RAD51B: variants seen among roughly 807,000 people sequenced by gnomAD.
RAD51B encodes the protein DNA repair protein RAD51 homolog 2.
Under a neutral mutation model 42.2 loss-of-function variants are expected in RAD51B, and 38 were observed. The ratio of observed to expected loss-of-function variants is 0.90; its 90% CI spans 0.70 to 1.18. The LOEUF (loss-of-function observed/expected upper bound fraction) is 1.18, where lower values mean the gene tolerates loss of function less well. Ranked by LOEUF, RAD51B falls within the 50% of genes most tolerant of loss-of-function variation. The probability of loss-of-function intolerance (pLI) is 0.00; values close to 1 mark genes in which losing one functional copy is unlikely to be tolerated. For missense variants in RAD51B, 373 were observed against 400.7 expected (o/e 0.93, Z 0.59); for synonymous variants, 154 against 145.2 (o/e 1.06, Z -0.43).
intron 8 of RAD51B, among the ~76,000 whole-genome samples, chr14:68,298,581 A>G (rs900106354): frequency 2.0e-5 from 3 of 152,182 alleles, no homozygotes; most frequent in Admixed American, 6.5e-5. Context: ...TTACTGTCTA[A>G]TTTCTCAAAT....
chr14:68,478,019 G>A lies in RAD51B; in HGVS notation c.*355G>A. The A allele has an allele frequency of 9.1e-7, 1 of 1,094,216 alleles. No individual in the cohort carries two copies. Among genetic ancestry groups the A allele is most frequent in the Non-Finnish European group, 1.1e-6 (1 of 899,174 alleles). 67.8% of individuals were successfully genotyped at this position (1,094,216 alleles called of 1,614,324 possible). On this transcript the variant is annotated 3_prime_UTR_variant, in exon 11 of 11. Transcript: ENST00000471583. ...TAATTAAAGCCCACAATCCTCCTGG[G>A]GAGAGGAGGAGGATGACTAACAAGA...
chr14:68,516,000 T>C (rs1886127278), intron 10 of RAD51B, among the ~76,000 whole-genome samples: 1 of 151,912 alleles, frequency 6.6e-6, no homozygotes, highest in African/African-American at 2.4e-5. Flanking sequence ...TTAGCCAGGA[T>C]GGTCTCGATC....
intron 7 of RAD51B, among the ~76,000 whole-genome samples, chr14:68,073,091 G>A (rs1308873640): frequency 6.6e-6 from 1 of 152,114 alleles, no homozygotes; most frequent in African/African-American, 2.4e-5. Flanking sequence ...ATTCTGCCTC[G>A]ATGGTTTGTC....
intron 11 of RAD51B, among the ~76,000 whole-genome samples, chr14:68,664,491 C>T (rs917432549): frequency 6.6e-6 from 1 of 152,246 alleles, no homozygotes; most frequent in African/African-American, 2.4e-5. Context: ...GCATTTCACC[C>T]GACTATTTTT....
intron 10 of RAD51B, among the ~76,000 whole-genome samples, chr14:68,515,988 T>A (rs573478233): frequency 6.6e-6 from 1 of 152,104 alleles, no homozygotes; most frequent in South Asian, 2.1e-4. Context: ...GGTTTCACCA[T>A]GTTAGCCAGG....
chr14:67,995,515 C>T (rs1340951434), intron 7 of RAD51B, among the ~76,000 whole-genome samples: 1 of 152,158 alleles, frequency 6.6e-6, no homozygotes, highest in Non-Finnish European at 1.5e-5. Context: ...TATCCTTGCT[C>T]CTTCCATCCC....
intron 8 of RAD51B, among the ~76,000 whole-genome samples, chr14:68,395,823 G>T (rs745338429): frequency 6.6e-6 from 1 of 152,004 alleles, no homozygotes; most frequent in Non-Finnish European, 1.5e-5. Flanking sequence ...TGTGACCTTG[G>T]GTACATCACT....
chr14:68,275,181 A>G (rs1027163946), intron 7 of RAD51B, among the ~76,000 whole-genome samples: 1 of 152,182 alleles, frequency 6.6e-6, no homozygotes, highest in Non-Finnish European at 1.5e-5. Flanking sequence ...GCTGATTATT[A>G]TGCAGTTTAA....
intron 7 of RAD51B, among the ~76,000 whole-genome samples, chr14:67,933,879 A>G (rs184095161): frequency 3.9e-4 from 59 of 152,314 alleles, no homozygotes; most frequent in Non-Finnish European, 5.9e-4. Flanking sequence ...AGCTACCTCT[A>G]TGCTCCTGCT....
chr14:67,917,150 C>G lies in RAD51B; in HGVS notation c.756+29946C>G, dbSNP rs540631976. 3.9e-5 allele frequency among the ~76,000 whole-genome samples: 6 copies of G among 152,312 alleles called. No homozygotes were observed. The East Asian group carries it at 1.2e-3, about 29-fold the overall frequency. ...TAAAATAAAGGAGAATCATTAGGAGCTTTTCCTAGTAACCTAGGCAACAGA... is the reference window on the plus strand; with the variant it reads ...TAAAATAAAGGAGAATCATTAGGAGGTTTTCCTAGTAACCTAGGCAACAGA... On this transcript the variant is annotated intron_variant, in intron 7 of 10. Transcript: ENST00000471583.
At chr14:67,880,190 GTTT>G (rs2042861996) in intron 5 of RAD51B, among the ~76,000 whole-genome samples, 3 of 152,142 alleles carry the variant, frequency 2.0e-5, no homozygotes, top group Admixed American at 2.0e-4. Flanking sequence ...GCAGATGTAA[GTTT>G]TTTAGGAATC....
intron 7 of RAD51B, among the ~76,000 whole-genome samples, chr14:68,086,928 G>T (rs1393543946): frequency 6.6e-6 from 1 of 152,032 alleles, no homozygotes; most frequent in Non-Finnish European, 1.5e-5. Context: ...CTGAGGTCAG[G>T]AGTTCGAGAC....
intron 7 of RAD51B, among the ~76,000 whole-genome samples, chr14:68,184,502 C>T (rs1450970031): frequency 6.6e-6 from 1 of 151,840 alleles, no homozygotes; most frequent in East Asian, 1.9e-4. Flanking sequence ...GCCTCATCTT[C>T]CCAAAGTGCT....
At chr14:68,092,607 G>A (rs1393805566) in intron 7 of RAD51B, among the ~76,000 whole-genome samples, 4 of 152,126 alleles carry the variant, frequency 2.6e-5, no homozygotes, top group African/African-American at 7.2e-5. Flanking sequence ...GGGTTGCGAC[G>A]ATGGGGTTTT....
chr14:68,310,370 C>T (rs754087884), intron 8 of RAD51B, among the ~76,000 whole-genome samples: 8 of 152,174 alleles, frequency 5.3e-5, no homozygotes, highest in African/African-American at 1.2e-4. Flanking sequence ...TATGAATTTT[C>T]GACTGTTTCA....
In RAD51B at chr14:67,975,476, T is replaced by G. The variant is rs555620233; in HGVS notation, c.756+88272T>G. 8.5e-5 allele frequency among the ~76,000 whole-genome samples: 13 copies of G among 152,360 alleles called. No individual in the cohort carries two copies. The South Asian group carries it at 2.7e-3, about 32-fold the overall frequency. On this transcript the variant is annotated intron_variant, in intron 7 of 10. Transcript: ENST00000471583. ...ACCTTAACAGATATACCTATTTTACTTAAACTGGTTGTTTATACTTTAGAC... is the reference window on the plus strand; with the variant it reads ...ACCTTAACAGATATACCTATTTTACGTAAACTGGTTGTTTATACTTTAGAC...
intron 10 of RAD51B, among the ~76,000 whole-genome samples, chr14:68,509,665 C>T (rs955165290): frequency 1.3e-5 from 2 of 152,164 alleles, no homozygotes; most frequent in Admixed American, 6.5e-5. Context: ...TCTTGCCTAG[C>T]GAGATCTAGG....
At chr14:68,389,072 T>C (rs2083675292) in intron 8 of RAD51B, among the ~76,000 whole-genome samples, 1 of 152,218 alleles carries the variant, frequency 6.6e-6, no homozygotes, top group Non-Finnish European at 1.5e-5. Flanking sequence ...CTTGACAATA[T>C]GTGTGAGGAA....
chr14:68,211,652 A>C (rs1168014206), intron 7 of RAD51B, among the ~76,000 whole-genome samples: 1 of 152,210 alleles, frequency 6.6e-6, no homozygotes, highest in Non-Finnish European at 1.5e-5. Context: ...CAGATATCAG[A>C]GCATAGTTGT....
Sources: allele counts gnomAD v4.1 joint callset (sites outside exome capture counted in the v4.1 genomes callset), GRCh38; gene constraint gnomAD v4.1.1; transcripts MANE v1.5; gene names NCBI Gene and HGNC (gene_info 2026-07-23, HGNC 2026-07-21).